Variants in MRC2 observed in about 807,000 individuals in gnomAD.
MRC2 encodes C-type mannose receptor 2.
Under a neutral mutation model 206.2 loss-of-function variants are expected in MRC2, and 84 were observed. The observed-to-expected ratio is 0.41, with a 90% confidence interval of 0.34 to 0.49. The LOEUF (loss-of-function observed/expected upper bound fraction) is 0.49. Among genes scored for constraint, MRC2 ranks in the 20% least tolerant of loss-of-function variants. MRC2 has a pLI of 0.31. For synonymous variants in MRC2, 798 were observed against 800.0 expected (o/e 1.00, Z 0.04); for missense variants, 1,676 against 2,001.5 (o/e 0.84, Z 3.10).
intron 2 of MRC2, 56 bp downstream of exon 2, chr17:62,665,005 G>A (rs1260765569): frequency 2.0e-6 from 3 of 1,528,660 alleles, no homozygotes; most frequent in African/African-American, 2.7e-5. Flanking sequence ...GGGGACTGGA[G>A]CCATGAGGGA....
Position 62,688,179 on chromosome 17 carries a change from G to A in MRC2, c.2947-110G>A, listed in dbSNP as rs544992359. ...TGGTTCTCAGATACTGTTCTCTCCC[G>A]GCCCTCAAAGGCCCCCCAGGACCTG... is the stretch of plus-strand genomic sequence containing the variant. On this transcript the variant is annotated intron_variant, in intron 20 of 29. Coordinates refer to ENST00000303375, the MANE Select transcript of MRC2 (RefSeq NM_006039.5). 64 of 851,012 alleles carry A rather than the reference G, an allele frequency of 7.5e-5. 1 individual carries two copies. In the South Asian group the frequency reaches 9.5e-4, roughly 13 times the overall value. 52.7% of individuals were successfully genotyped at this position (851,012 alleles called of 1,614,324 possible). A position where few individuals can be genotyped will look rare whatever the true frequency, so the allele number is the denominator to read the frequency against.
In MRC2 at chr17:62,664,788, G is replaced by A. The variant is rs201859271; in HGVS notation, c.359G>A (p.Arg120His). The A allele has an allele frequency of 3.7e-6, 6 of 1,613,920 alleles. No homozygotes were observed. Among genetic ancestry groups the A allele is most frequent in the East Asian group, 4.5e-5 (2 of 44,886 alleles). ...TGTGACCGGGAAGCACTGAATCTTC[G>A]CTGGCATTGTCGTACACTGGGTGAC... Reference protein sequence around the residue: ...YECDREALNLRWHCRTLGDQL... With the variant: ...YECDREALNLHWHCRTLGDQL... Residue 120 changes from arginine (R) to histidine (H), a missense_variant, in exon 2 of 30, where the codon CGC becomes CAC. Around this residue, in one of 3 missense-constraint regions of MRC2, gnomAD observed 318 missense variants for 346.7 expected, o/e 0.92. Transcript: ENST00000303375. This position sits in a 1 kb window ranked among gnomAD's most constrained non-coding sequence, Gnocchi z 4.7.
intron 19 of MRC2, 82 bp downstream of exon 19, chr17:62,682,019 C>T (rs2147484184): frequency 7.8e-7 from 1 of 1,282,350 alleles, no homozygotes; most frequent in Non-Finnish European, 1.1e-6. Flanking sequence ...AGTCATCAGT[C>T]TGTTCTCATT....
At chr17:62,679,628 T>C in intron 13 of MRC2, 172 bp from the exon 14 acceptor site, 1 of 560,924 alleles carries the variant, frequency 1.8e-6, no homozygotes, top group South Asian at 2.2e-5. Context: ...GGGGAGAACT[T>C]TACCGAAGTG....
intron 1 of MRC2, among the ~76,000 whole-genome samples, chr17:62,628,785 G>C (rs1339028392): frequency 6.6e-6 from 1 of 152,160 alleles, no homozygotes; most frequent in African/African-American, 2.4e-5. Context: ...AAGAATCTAA[G>C]AGTTGAAAGG....
At chr17:62,635,700 G>C (rs540273561) in intron 1 of MRC2, among the ~76,000 whole-genome samples, 16 of 152,256 alleles carry the variant, frequency 1.1e-4, no homozygotes, top group African/African-American at 3.6e-4. Flanking sequence ...TGTTACTCCA[G>C]TGCGTTTGGA....
At chr17:62,673,002 A>AAAT (rs2088846503) in intron 8 of MRC2, among the ~76,000 whole-genome samples, 2 of 150,918 alleles carry the variant, frequency 1.3e-5, no homozygotes, top group East Asian at 1.9e-4. Context: ...AAAAAAAAAA[A>AAAT]AATAAAATAA....
chr17:62,631,963 G>A (rs1019815265), intron 1 of MRC2, among the ~76,000 whole-genome samples: 1 of 152,120 alleles, frequency 6.6e-6, no homozygotes, highest in African/African-American at 2.4e-5. Context: ...GGGGTCCCTG[G>A]ACTTGGAAGG....
At chr17:62,673,966 A>ACT in intron 8 of MRC2, 97 bp from the exon 9 acceptor site, 1 of 948,432 alleles carries the variant, frequency 1.1e-6, no homozygotes, top group Non-Finnish European at 1.6e-6. Flanking sequence ...ACAGTAAGTC[A>ACT]GAGACAGGGC....
rs888108473 is a variant in MRC2, at chr17:62,653,188, G to T, written c.119-11360G>T. Among the ~76,000 whole-genome samples, 19 of 152,304 alleles carry T rather than the reference G, an allele frequency of 1.2e-4. No individual in the cohort carries two copies. In the East Asian group the frequency reaches 1.9e-3, roughly 15 times the overall value. The stretch of plus-strand genomic sequence containing the variant: ...GCCGCTCTCCAGTTCCTCCGGCAAG[G>T]GGGGCCTGGGGGAGGACTGGCCGAA... On this transcript the variant is annotated intron_variant, in intron 1 of 29. Transcript: ENST00000303375.
chr17:62,654,755 G>A (rs2088597104), intron 1 of MRC2, among the ~76,000 whole-genome samples: 1 of 152,242 alleles, frequency 6.6e-6, no homozygotes, highest in Non-Finnish European at 1.5e-5. Context: ...AGGGCAAATT[G>A]CTTTAAAACC....
In MRC2 at chr17:62,679,821, C is replaced by T. The variant is rs376529525; in HGVS notation, c.2217C>T (p.His739=). 9.9e-6 allele frequency: 16 copies of T among 1,614,004 alleles called. No individual in the cohort carries two copies. The highest frequency in any genetic ancestry group is 1.3e-5 in the Non-Finnish European group (15 of 1,179,982). Residue 739 remains histidine, a synonymous_variant, in exon 14 of 30, where the codon CAC becomes CAT. Coordinates refer to ENST00000303375, the MANE Select transcript of MRC2 (RefSeq NM_006039.5). ...KIFGESEPEI[H]EQHWFWIGLN... is the part of the protein sequence containing the mutation. ...GAAGTGAATCAGAACCCGAGATCCA[C>T]GAGCAGCACTGGTTCTGGATCGGCC...
intron 13 of MRC2, among the ~76,000 whole-genome samples, chr17:62,679,084 G>A (rs1399177062): frequency 2.0e-5 from 3 of 152,154 alleles, no homozygotes; most frequent in Admixed American, 2.0e-4. Flanking sequence ...CAGCTATGAG[G>A]ATTTGCCCAT....
rs2089102535 is a variant in MRC2 at position 62,690,930 on chromosome 17, A to G, written c.4013-19A>G. 1 of 1,574,540 alleles carries G rather than the reference A, an allele frequency of 6.4e-7. No individual in the cohort carries two copies. Among genetic ancestry groups the G allele is most frequent in the Non-Finnish European group, 8.6e-7 (1 of 1,161,526 alleles). On this transcript the variant is annotated intron_variant, in intron 27 of 29. Coordinates refer to ENST00000303375, the MANE Select transcript of MRC2 (RefSeq NM_006039.5). ...TGCCCCACCTTGTCCCTGCTCCCTC[A>G]GTGCCTTCTTTCCTGCAGGAGGCAC... is the stretch of plus-strand genomic sequence containing the variant.
intron 1 of MRC2, among the ~76,000 whole-genome samples, chr17:62,635,699 A>C (rs1441865315): frequency 6.6e-6 from 1 of 152,196 alleles, no homozygotes; most frequent in Non-Finnish European, 1.5e-5. Flanking sequence ...CTGTTACTCC[A>C]GTGCGTTTGG....
At chr17:62,645,497 TTATATATATATATA>T (rs1201996433) in intron 1 of MRC2, among the ~76,000 whole-genome samples, 1 of 93,822 alleles carries the variant, frequency 1.1e-5, no homozygotes, top group Non-Finnish European at 2.0e-5. Context: ...TGTGTATATA[TTATATATATATATA>T]TATATATATA....
chr17:62,650,411 A>C (rs1412724476), intron 1 of MRC2, among the ~76,000 whole-genome samples: 1 of 152,208 alleles, frequency 6.6e-6, no homozygotes, highest in Non-Finnish European at 1.5e-5. Context: ...CCCTGCAGGC[A>C]TGCTGCCTCG....
At chr17:62,637,939 A>T (rs1170330230) in intron 1 of MRC2, among the ~76,000 whole-genome samples, 1 of 152,152 alleles carries the variant, frequency 6.6e-6, no homozygotes, top group Non-Finnish European at 1.5e-5. Flanking sequence ...AATGGCACTC[A>T]CGGGAGCCTC....
intron 1 of MRC2, among the ~76,000 whole-genome samples, chr17:62,630,586 G>A (rs576004433): frequency 3.5e-4 from 53 of 152,294 alleles, no homozygotes; most frequent in Non-Finnish European, 5.9e-5. Context: ...AGGCCAGAAT[G>A]GGGATGGGAC....
Sources: gnomAD v4.1 joint callset for allele counts (sites outside exome capture counted in the v4.1 genomes callset) on GRCh38, gnomAD v4.1.1 for gene constraint, gnomAD v4.1.1 regional missense constraint, Gnocchi (gnomAD v3.1) non-coding constraint, MANE v1.5 for transcripts, NCBI Gene and HGNC (gene_info 2026-07-23, HGNC 2026-07-21) for gene names.